TMEM45A: variants seen among roughly 807,000 people sequenced by gnomAD.
TMEM45A encodes DNA polymerase-transactivated protein 4.
TMEM45A carries 25 observed loss-of-function variants against 32.0 expected under a neutral mutation model. The observed-to-expected ratio is 0.78, with a 90% CI of 0.57 to 1.09. The LOEUF is 1.09. Among genes scored for constraint, TMEM45A ranks in the 50% least tolerant of loss-of-function variants. TMEM45A has a pLI of 0.00. For missense variants in TMEM45A, 302 were observed against 325.0 expected, an observed-to-expected ratio of 0.93 and a Z score of 0.54; for synonymous variants, 122 against 114.8, an observed-to-expected ratio of 1.06 and a Z score of -0.40.
At position 100,561,391 on chromosome 3, in the gene TMEM45A, C is replaced by A. The variant is rs144464534; in HGVS notation, c.588+2802C>A. Among the ~76,000 whole-genome samples the A allele has an allele frequency of 5.2e-3, 784 of 152,186 alleles. 9 individuals carry two copies. Among genetic ancestry groups the A allele is most frequent in the African/African-American group, 0.018 (752 of 41,504 alleles). On this transcript the variant is annotated intron_variant, in intron 4 of 5. Transcript: ENST00000323523. ...ATAGAGGGATTAGATAAAACATCCA[C>A]CTAGACTCTTGGAACCGTAAGTATG...
At position 100,555,375 on chromosome 3, in the gene TMEM45A, T is replaced by G. The variant is rs1324002046; in HGVS notation, c.164T>G (p.Ile55Ser). The change falls in exon 2 of 6, where the codon ATT becomes AGT. Residue 55 changes from isoleucine to serine, a missense_variant. By Grantham distance (142) the Ile-to-Ser change is moderately radical. Coordinates refer to ENST00000323523, the MANE Select transcript of TMEM45A (RefSeq NM_018004.3). ...TATCGATTGGAAATTTTGGAGGGAA[T>G]TACAATAGTTGGCATGGCTTTAACT... ...LFYRLEILEG[I>S]TIVGMALTGM... The G allele has an allele frequency of 6.2e-7, 1 of 1,613,914 alleles. No individual in the cohort carries two copies. Among genetic ancestry groups the G allele is most frequent in the South Asian group, 1.1e-5 (1 of 91,038 alleles).
chr3:100,537,288 C>T (rs116736513), intron 1 of TMEM45A, among the ~76,000 whole-genome samples: 5 of 152,098 alleles, frequency 3.3e-5, no homozygotes, highest in South Asian at 2.1e-4. Context: ...GGGGGAAAGA[C>T]GTCTTCTAGT....
rs1559644632 is a variant in TMEM45A, at chr3:100,539,498, TATAC to T, written c.-3-15710_-3-15707del. On this transcript the variant is annotated intron_variant, in intron 1 of 5. Transcript: ENST00000323523. Reference sequence around the variant, plus strand: ...GTATATGTATATGTATATGTATACGTATACGTATACGTATACGTATATGTGGGGA... The same window carrying T: ...GTATATGTATATGTATATGTATACGTGTATACGTATACGTATATGTGGGGA... Among the ~76,000 whole-genome samples the T allele has an allele frequency of 5.6e-3, 635 of 112,888 alleles. 8 individuals are homozygous for T. The highest frequency in any genetic ancestry group is 0.015 in the African/African-American group (515 of 35,238). 74.1% of individuals were successfully genotyped at this position (112,888 alleles called of 152,430 possible). A position where few individuals can be genotyped will look rare whatever the true frequency, so the allele number is the denominator to read the frequency against.
At chr3:100,536,587 C>A (rs1705744144) in intron 1 of TMEM45A, among the ~76,000 whole-genome samples, 1 of 152,158 alleles carries the variant, frequency 6.6e-6, no homozygotes, top group Non-Finnish European at 1.5e-5. Flanking sequence ...AATAAATAAG[C>A]AGACAGGCAG....
At chr3:100,496,594 G>A (rs1707932297) in intron 1 of TMEM45A, among the ~76,000 whole-genome samples, 1 of 152,230 alleles carries the variant, frequency 6.6e-6, no homozygotes, top group African/African-American at 2.4e-5. Flanking sequence ...CATATTTGGA[G>A]ATATTGATTT....
At chr3:100,530,094 C>T (rs1045675283) in intron 1 of TMEM45A, among the ~76,000 whole-genome samples, 1 of 152,160 alleles carries the variant, frequency 6.6e-6, no homozygotes, top group Non-Finnish European at 1.5e-5. Context: ...ATACTGATTA[C>T]CCCGTTTCAA....
intron 1 of TMEM45A, among the ~76,000 whole-genome samples, chr3:100,527,567 T>C (rs1705570374): frequency 6.6e-6 from 1 of 152,292 alleles, no homozygotes; most frequent in African/African-American, 2.4e-5. Flanking sequence ...GTTCCAACCT[T>C]ATGAAATATG....
intron 1 of TMEM45A, among the ~76,000 whole-genome samples, chr3:100,511,931 A>G (rs1708170843): frequency 2.0e-5 from 3 of 152,132 alleles, no homozygotes; most frequent in South Asian, 4.1e-4. Context: ...TAACTATCCT[A>G]AATATATATG....
intron 1 of TMEM45A, among the ~76,000 whole-genome samples, chr3:100,501,861 A>G (rs571301513): frequency 6.6e-6 from 1 of 152,342 alleles, no homozygotes; most frequent in Admixed American, 6.5e-5. Flanking sequence ...CATAGACCCA[A>G]TTCTTAGTAG....
chr3:100,496,702 G>T (rs541166049), intron 1 of TMEM45A, among the ~76,000 whole-genome samples: 11 of 152,320 alleles, frequency 7.2e-5, no homozygotes, highest in African/African-American at 2.6e-4. Flanking sequence ...CTCATTGCAG[G>T]CATGCACTCT....
chr3:100,500,257 A>T (rs1009681383), intron 1 of TMEM45A, among the ~76,000 whole-genome samples: 2 of 152,176 alleles, frequency 1.3e-5, no homozygotes, highest in African/African-American at 4.8e-5. Context: ...TTGTTTTTTT[A>T]AAAAGTCTCA....
At chr3:100,535,688 C>T (rs951850292) in intron 1 of TMEM45A, among the ~76,000 whole-genome samples, 2 of 152,132 alleles carry the variant, frequency 1.3e-5, no homozygotes, top group Admixed American at 6.6e-5. Context: ...AGTCCTTGGC[C>T]TCATATATGC....
chr3:100,541,885 T>A (rs890189527), intron 1 of TMEM45A, among the ~76,000 whole-genome samples: 1 of 152,326 alleles, frequency 6.6e-6, no homozygotes, highest in East Asian at 1.9e-4. Flanking sequence ...CTTTGTTGAA[T>A]TGGGAGTCCT....
chr3:100,555,303 G>A lies in TMEM45A; in HGVS notation c.92G>A (p.Cys31Tyr). Residue 31 changes from cysteine to tyrosine, a missense_variant, in exon 2 of 6, where the codon TGC becomes TAC. Physicochemically the swap from Cys to Tyr is radical, Grantham distance 194. Coordinates refer to ENST00000323523, the MANE Select transcript of TMEM45A (RefSeq NM_018004.3). ...WCTKSILKYICKKQKRTCYLG... is the reference protein window; with the variant it reads ...WCTKSILKYIYKKQKRTCYLG... Reference sequence around the variant, plus strand: ...ACAAAGAGTATTCTGAAGTATATCTGCAAAAAGCAAAAGCGAACCTGCTAT... The same window carrying A: ...ACAAAGAGTATTCTGAAGTATATCTACAAAAAGCAAAAGCGAACCTGCTAT... The A allele has an allele frequency of 1.9e-6, 3 of 1,613,970 alleles. No individual in the cohort carries two copies. In the East Asian group the frequency reaches 6.7e-5, roughly 36 times the overall value.
chr3:100,552,959 A>G lies in TMEM45A; in HGVS notation c.-3-2250A>G, dbSNP rs574308187. 4.6e-5 allele frequency among the ~76,000 whole-genome samples: 7 copies of G among 152,354 alleles called. No homozygotes were observed. The East Asian group carries it at 1.2e-3, about 25-fold the overall frequency. ...GAGAAGTGTCTTGGGCACTACATCA[A>G]TGATTGCCAAATGAATTGTATCAAT... On this transcript the variant is annotated intron_variant, in intron 1 of 5. Coordinates refer to ENST00000323523, the MANE Select transcript of TMEM45A (RefSeq NM_018004.3).
intron 5 of TMEM45A, chr3:100,570,507 A>C (rs989385463): frequency 6.6e-6 from 1 of 152,214 alleles, no homozygotes; most frequent in Admixed American, 6.5e-5. Flanking sequence ...CCACCTTCTC[A>C]TTCTATTAGC....
intron 1 of TMEM45A, among the ~76,000 whole-genome samples, chr3:100,544,354 CAA>C (rs1705944302): frequency 6.6e-6 from 1 of 152,156 alleles, no homozygotes; most frequent in South Asian, 2.1e-4. Context: ...CCCTTCTTTT[CAA>C]TCAGCTTTAC....
intron 1 of TMEM45A, among the ~76,000 whole-genome samples, chr3:100,545,539 T>G (rs938476390): frequency 6.6e-6 from 1 of 152,214 alleles, no homozygotes; most frequent in African/African-American, 2.4e-5. Context: ...CTCTTCCTTA[T>G]GTCTAGGGTG....
intron 5 of TMEM45A, chr3:100,573,263 C>T: frequency 6.6e-6 from 1 of 151,150 alleles, no homozygotes; most frequent in South Asian, 2.1e-4. Flanking sequence ...TGTTTGTATC[C>T]TCTTTTATTT....
Sources: allele counts gnomAD v4.1 joint callset (sites outside exome capture counted in the v4.1 genomes callset), GRCh38; gene constraint gnomAD v4.1.1; transcripts MANE v1.5; gene names NCBI Gene and HGNC (gene_info 2026-07-23, HGNC 2026-07-21).